AGAP1: variants seen among roughly 807,000 people sequenced by gnomAD.
AGAP1 encodes ArfGAP with GTPase domain, ankyrin repeat and PH domain 1.
Under a neutral mutation model 105.3 loss-of-function variants are expected in AGAP1, and 29 were observed. The observed-to-expected ratio is 0.28, with a 90% CI of 0.21 to 0.38. The LOEUF (loss-of-function observed/expected upper bound fraction) is 0.38, where lower values mean the gene tolerates loss of function less well. AGAP1 is among the 10% of genes least tolerant of loss of function. The probability of loss-of-function intolerance (pLI) is 1.00; values close to 1 mark genes in which losing one functional copy is unlikely to be tolerated. For synonymous variants in AGAP1, 509 were observed against 485.9 expected (o/e 1.05, Z -0.63); for missense variants, 998 against 1,165.1 (o/e 0.86, Z 2.09).
intron 16 of AGAP1, among the ~76,000 whole-genome samples, chr2:236,106,739 G>A (rs553258212): frequency 1.3e-5 from 2 of 152,326 alleles, no homozygotes; most frequent in East Asian, 1.9e-4. Context: ...GGTGCTGGTG[G>A]TAGCAGGATG....
In AGAP1 at chr2:235,958,221, A is replaced by C. The variant is rs942033332; in HGVS notation, c.1484-10241A>C. Among the ~76,000 whole-genome samples the C allele has an allele frequency of 6.6e-6, 1 of 152,096 alleles. No homozygotes were observed. Among genetic ancestry groups the C allele is most frequent in the Non-Finnish European group, 1.5e-5 (1 of 68,016 alleles). ...CTAGCAAATTCGTGGCGTGCCCCTC[A>C]TCAAACTACGTCCCCTGAGGGAGAG... On this transcript the variant is annotated intron_variant, in intron 12 of 17. Transcript: ENST00000304032. This position sits in a 1 kb window ranked among gnomAD's most constrained non-coding sequence, Gnocchi z 4.1.
rs968699208 is a variant in AGAP1 at position 236,009,595 on chromosome 2, T to C, written c.1646-26966T>C. Among the ~76,000 whole-genome samples, 1 of 152,224 alleles carries C rather than the reference T, an allele frequency of 6.6e-6. No individual in the cohort carries two copies. Among genetic ancestry groups the C allele is most frequent in the Non-Finnish European group, 1.5e-5 (1 of 68,038 alleles). ...AGAGGTACAAATTTACGCTCCCTTC[T>C]ATGAATAGAGAGGGCTATTTGTTTC... On this transcript the variant is annotated intron_variant, in intron 13 of 17. Transcript: ENST00000304032. The surrounding 1 kb of genome is among the most constrained non-coding windows in gnomAD (Gnocchi z 4.2).
chr2:236,106,309 G>T (rs945389789), intron 16 of AGAP1, among the ~76,000 whole-genome samples: 3 of 152,244 alleles, frequency 2.0e-5, no homozygotes, highest in African/African-American at 4.8e-5. Flanking sequence ...GCCTTTCCTA[G>T]CATGTCATCC....
rs998120292 is a variant in AGAP1, at chr2:235,578,939, A to G, written c.163+84090A>G. Among the ~76,000 whole-genome samples the G allele has an allele frequency of 6.6e-6, 1 of 152,148 alleles. No homozygotes were observed. Among genetic ancestry groups the G allele is most frequent in the Non-Finnish European group, 1.5e-5 (1 of 68,042 alleles). ...GTCAGTCACACAGACGGATATAGAT[A>G]TGTAATTTGAATTACTTCTGTTTCT... On this transcript the variant is annotated intron_variant, in intron 1 of 17. Coordinates refer to ENST00000304032, the MANE Select transcript of AGAP1 (RefSeq NM_001037131.3). The surrounding 1 kb of genome is among the most constrained non-coding windows in gnomAD (Gnocchi z 4.9).
At chr2:235,561,801 C>T (rs981858224) in intron 1 of AGAP1, among the ~76,000 whole-genome samples, 7 of 152,156 alleles carry the variant, frequency 4.6e-5, no homozygotes, top group Non-Finnish European at 7.4e-5. Context: ...GTTGACAGAT[C>T]GGAGCCTAAG....
intron 1 of AGAP1, among the ~76,000 whole-genome samples, chr2:235,541,909 A>C (rs902471801): frequency 9.9e-5 from 15 of 151,980 alleles, no homozygotes; most frequent in African/African-American, 1.7e-4. Flanking sequence ...TAGTTCATCC[A>C]TTTTCACTGC....
intron 9 of AGAP1, among the ~76,000 whole-genome samples, chr2:235,859,456 A>G (rs1163530464): frequency 7.0e-6 from 1 of 143,244 alleles, no homozygotes; most frequent in East Asian, 2.1e-4. Flanking sequence ...ACCTCTAAAA[A>G]CGACACACTA....
At chr2:235,590,664 A>AAT (rs1945295526) in intron 1 of AGAP1, among the ~76,000 whole-genome samples, 1 of 63,034 alleles carries the variant, frequency 1.6e-5, no homozygotes, top group African/African-American at 9.0e-5. Context: ...GTTTTGTTTT[A>AAT]ATGTGTGTGT....
chr2:236,091,424 G>A (rs1014684016), intron 16 of AGAP1, among the ~76,000 whole-genome samples: 68 of 152,220 alleles, frequency 4.5e-4, no homozygotes, highest in Middle Eastern at 6.8e-3. Flanking sequence ...AAAACTAAAC[G>A]TGCACCTTCC....
At chr2:235,968,938 G>A (rs895863289) in intron 13 of AGAP1, among the ~76,000 whole-genome samples, 13 of 152,182 alleles carry the variant, frequency 8.5e-5, no homozygotes, top group African/African-American at 1.9e-4. Flanking sequence ...CAGCCTGGGC[G>A]AGTGTCCTCT....
intron 10 of AGAP1, among the ~76,000 whole-genome samples, chr2:235,884,860 A>ACAGCAG (rs10526218): frequency 0.34 from 51,391 of 151,130 alleles, 9,623 homozygotes; most frequent in South Asian, 0.63. Context: ...AGTAATAGTC[A>ACAGCAG]CAGCAGCAGC....
In AGAP1 at chr2:236,000,818, T is replaced by C. The variant is rs920297231; in HGVS notation, c.1645+32195T>C. 1.3e-5 allele frequency among the ~76,000 whole-genome samples: 2 copies of C among 152,126 alleles called. No homozygotes were observed. Among genetic ancestry groups the C allele is most frequent in the African/African-American group, 2.4e-5 (1 of 41,442 alleles). On this transcript the variant is annotated intron_variant, in intron 13 of 17. Coordinates refer to ENST00000304032, the MANE Select transcript of AGAP1 (RefSeq NM_001037131.3). The surrounding 1 kb of genome is among the most constrained non-coding windows in gnomAD (Gnocchi z 4.3). ...CCCTGACAGCAAGAAGGAGCCCCAC[T>C]TGTGCTGTTCTGTAAGGAGGGTCTT...
In AGAP1 at chr2:235,787,834, T is replaced by A. The variant is rs1956741839; in HGVS notation, c.674-9925T>A. Among the ~76,000 whole-genome samples the A allele has an allele frequency of 6.6e-6, 1 of 152,086 alleles. No homozygotes were observed. The highest frequency in any genetic ancestry group is 2.1e-4 in the South Asian group (1 of 4,814). On this transcript the variant is annotated intron_variant, in intron 6 of 17. Coordinates refer to ENST00000304032, the MANE Select transcript of AGAP1 (RefSeq NM_001037131.3). This position sits in a 1 kb window ranked among gnomAD's most constrained non-coding sequence, Gnocchi z 4.4. ...GAAGAGCATTCTGGGATCAAGAAGA[T>A]GACCAAGTACATTGTGGGACCAAGA...
intron 13 of AGAP1, among the ~76,000 whole-genome samples, chr2:235,996,228 C>G (rs535530684): frequency 6.6e-6 from 1 of 152,302 alleles, no homozygotes; most frequent in African/African-American, 2.4e-5. Context: ...GTTAACAACT[C>G]AAAGCTGCTG....
chr2:235,675,407 C>G (rs1487516293), intron 1 of AGAP1, among the ~76,000 whole-genome samples: 1 of 151,984 alleles, frequency 6.6e-6, no homozygotes, highest in Non-Finnish European at 1.5e-5. Flanking sequence ...TCTCAATCTC[C>G]TGACCTCGTG....
chr2:235,547,813 G>A (rs1025921850), intron 1 of AGAP1, among the ~76,000 whole-genome samples: 3 of 152,204 alleles, frequency 2.0e-5, no homozygotes, highest in Admixed American at 6.5e-5. Context: ...TCTACTGTGG[G>A]GTTGGTCTTA....
chr2:236,123,015 G>A lies in AGAP1; in HGVS notation c.2371-904G>A, dbSNP rs1343706581. 6.6e-6 allele frequency among the ~76,000 whole-genome samples: 1 copy of A among 152,054 alleles called. No individual in the cohort carries two copies. The highest frequency in any genetic ancestry group is 1.5e-5 in the Non-Finnish European group (1 of 68,020). ...CAATTTTTACAAAGTGTGCACAGTT[G>A]AGGGGAGAGTTCTGAATTCTGTTCA... On this transcript the variant is annotated intron_variant, in intron 17 of 17. Transcript: ENST00000304032. The surrounding 1 kb of genome is among the most constrained non-coding windows in gnomAD (Gnocchi z 4.6).
intron 16 of AGAP1, among the ~76,000 whole-genome samples, chr2:236,110,399 A>AT (rs2059612922): frequency 6.6e-6 from 1 of 151,744 alleles, no homozygotes; most frequent in Non-Finnish European, 1.5e-5. Flanking sequence ...TCTACAAAAA[A>AT]AAAAAAATTG....
rs923731208 is a variant in AGAP1 at position 235,865,530 on chromosome 2, G to T, written c.1051-17815G>T. Among the ~76,000 whole-genome samples the T allele has an allele frequency of 1.3e-5, 2 of 152,184 alleles. No homozygotes were observed. Among genetic ancestry groups the T allele is most frequent in the African/African-American group, 4.8e-5 (2 of 41,440 alleles). On this transcript the variant is annotated intron_variant, in intron 9 of 17. Coordinates refer to ENST00000304032, the MANE Select transcript of AGAP1 (RefSeq NM_001037131.3). The surrounding 1 kb of genome is among the most constrained non-coding windows in gnomAD (Gnocchi z 6.2). ...GACAGAAATATTACTCGCCGGAAAG[G>T]GGAGGGGGTCTTTGGGGAGCTGGTT...
Sources: allele counts gnomAD v4.1 joint callset (sites outside exome capture counted in the v4.1 genomes callset), GRCh38; gene constraint gnomAD v4.1.1; non-coding constraint Gnocchi (gnomAD v3.1); transcripts MANE v1.5; gene names NCBI Gene and HGNC (gene_info 2026-07-23, HGNC 2026-07-21).